The following PPP1R1B variants were observed in gnomAD, a reference collection of about 807,000 sequenced individuals.
PPP1R1B encodes protein phosphatase 1 regulatory inhibitor subunit 1B, also known as protein phosphatase 1 regulatory subunit 1B.
PPP1R1B carries 13 observed loss-of-function variants against 28.2 expected under a neutral mutation model. The ratio of observed to expected loss-of-function variants is 0.46; its 90% confidence interval spans 0.30 to 0.73. The LOEUF is 0.73. PPP1R1B is among the 30% of genes least tolerant of loss of function. PPP1R1B has a pLI of 0.07. For synonymous variants in PPP1R1B, 102 were observed against 97.5 expected, an observed-to-expected ratio of 1.05 and a Z score of -0.27; for missense variants, 236 against 256.7, an observed-to-expected ratio of 0.92 and a Z score of 0.55.
At chr17:39,629,634 T>G (rs1362912191) in intron 3 of PPP1R1B, 72 bp downstream of exon 3, 3 of 1,534,168 alleles carry the variant, frequency 2.0e-6, no homozygotes, top group Non-Finnish European at 2.7e-6. Flanking sequence ...GTGCCTGCAG[T>G]GACAACCAAC....
At position 39,633,941 on chromosome 17, in the gene PPP1R1B, G is replaced by C. The variant is rs1237330238; in HGVS notation, c.300G>C (p.Gln100His). 6.2e-7 allele frequency: 1 copy of C among 1,613,834 alleles called. No individual in the cohort carries two copies. Among genetic ancestry groups the C allele is most frequent in the South Asian group, 1.1e-5 (1 of 91,082 alleles). Residue 100 changes from glutamine (Q) to histidine (H), a missense_variant, in exon 5 of 7, where the codon CAG becomes CAC. Physicochemically the swap from Gln to His is conservative, Grantham distance 24 (BLOSUM62 0). Coordinates refer to ENST00000254079, the MANE Select transcript of PPP1R1B (RefSeq NM_032192.4). Reference protein sequence around the residue: ...LQSISNLNENQASEEEDELGE... With the variant: ...LQSISNLNENHASEEEDELGE... ...CTATCAGCAATTTGAATGAGAACCA[G>C]GCCTCAGAGGAGGAGGATGAGCTGG...
chr17:39,627,495 C>T (rs1370918865), intron 1 of PPP1R1B, 22 bp downstream of exon 1: 3 of 1,450,532 alleles, frequency 2.1e-6, no homozygotes, highest in African/African-American at 1.4e-5. Flanking sequence ...GTGCCCCACC[C>T]CGGCAGCGTA....
intron 4 of PPP1R1B, chr17:39,632,571 A>G (rs75287590): frequency 0.033 from 5,009 of 152,412 alleles, 120 homozygotes; most frequent in African/African-American, 0.063. Flanking sequence ...AGAGGGGCAC[A>G]GCACTAAGTC....
At chr17:39,628,356 C>G (rs2056851595) in intron 1 of PPP1R1B, 1 of 262,058 alleles carries the variant, frequency 3.8e-6, no homozygotes. Context: ...TTCAGCTTAA[C>G]TCACCTGGTT....
intron 4 of PPP1R1B, among the ~76,000 whole-genome samples, chr17:39,630,816 T>C (rs943409278): frequency 3.3e-5 from 5 of 152,222 alleles, no homozygotes; most frequent in African/African-American, 1.2e-4. Flanking sequence ...ACGCCTGTAA[T>C]CCCAGCACTT....
chr17:39,627,079 C>A lies in PPP1R1B; in HGVS notation c.-314C>A, dbSNP rs2056842800. On this transcript the variant is annotated 5_prime_UTR_variant, in exon 1 of 7. Transcript: ENST00000254079. ...AGAGACACCGAGACGCAGAGACACTCAGGAGGGGAGAGACACCGAGACGCA... is the reference window on the plus strand; with the variant it reads ...AGAGACACCGAGACGCAGAGACACTAAGGAGGGGAGAGACACCGAGACGCA... 2 of 378,224 alleles carry A rather than the reference C, an allele frequency of 5.3e-6. No homozygotes were observed. Among genetic ancestry groups the A allele is most frequent in the Non-Finnish European group, 9.5e-6 (2 of 211,438 alleles). The allele number at this position is 378,224 out of a possible 1,614,324, so 23.4% of individuals were successfully genotyped here.
At chr17:39,631,580 C>CT (rs200208487) in intron 4 of PPP1R1B, among the ~76,000 whole-genome samples, 2,134 of 152,302 alleles carry the variant, frequency 0.014, 57 homozygotes, top group African/African-American at 0.049. Context: ...GGAGGGAGAG[C>CT]TACCGGAAGA....
At chr17:39,631,623 A>G (rs1031401162) in intron 4 of PPP1R1B, among the ~76,000 whole-genome samples, 2 of 152,228 alleles carry the variant, frequency 1.3e-5, no homozygotes, top group African/African-American at 2.4e-5. Context: ...GGAGGGTTTA[A>G]TAAGTTCCCA....
intron 2 of PPP1R1B, 106 bp downstream of exon 2, chr17:39,629,336 G>A: frequency 7.5e-7 from 1 of 1,340,770 alleles, no homozygotes; most frequent in Non-Finnish European, 1.1e-6. Flanking sequence ...GGAGACTGGG[G>A]AGTGGATAAG....
chr17:39,629,355 A>G, intron 2 of PPP1R1B, 125 bp downstream of exon 2: 2 of 1,280,468 alleles, frequency 1.6e-6, no homozygotes, highest in Admixed American at 1.7e-5. Flanking sequence ...AGGTCTGGGA[A>G]CCCAACTCTA....
At chr17:39,632,384 G>A (rs1361536906) in intron 4 of PPP1R1B, 2 of 153,008 alleles carry the variant, frequency 1.3e-5, no homozygotes, top group Non-Finnish European at 2.9e-5. Context: ...TCCCCCGCTG[G>A]GGGAGAAGGA....
intron 4 of PPP1R1B, chr17:39,630,276 G>A: frequency 1.9e-6 from 1 of 530,212 alleles, no homozygotes; most frequent in Non-Finnish European, 3.4e-6. Flanking sequence ...CGGGTTGTGG[G>A]CTTGAAAGAA....
intron 5 of PPP1R1B, 105 bp downstream of exon 5, chr17:39,634,191 C>T (rs148503277): frequency 1.1e-4 from 158 of 1,429,888 alleles, no homozygotes; most frequent in Non-Finnish European, 1.5e-4. Flanking sequence ...ACTGTAGTGA[C>T]ACCACAGGGG....
At chr17:39,627,705 G>A (rs993373723) in intron 1 of PPP1R1B, among the ~76,000 whole-genome samples, 23 of 151,674 alleles carry the variant, frequency 1.5e-4, no homozygotes, top group Admixed American at 2.6e-4. Flanking sequence ...GTTCCTGGCA[G>A]TGAGGCTGGG....
chr17:39,633,980 G>A lies in PPP1R1B; in HGVS notation c.339G>A (p.Glu113=). The A allele has an allele frequency of 6.2e-7, 1 of 1,613,956 alleles. No homozygotes were observed. Among genetic ancestry groups the A allele is most frequent in the Non-Finnish European group, 8.5e-7 (1 of 1,179,928 alleles). The change falls in exon 5 of 7, where the codon GAG becomes GAA. Residue 113 remains glutamate, a synonymous_variant. Coordinates refer to ENST00000254079, the MANE Select transcript of PPP1R1B (RefSeq NM_032192.4). The stretch of plus-strand genomic sequence containing the variant: ...AGGATGAGCTGGGGGAGCTTCGGGA[G>A]CTGGGTTATCCAAGAGAGGAAGATG... ...EEEDELGELR[E]LGYPREEDEE... is the part of the protein sequence containing the mutation.
chr17:39,629,729 A>AT, intron 3 of PPP1R1B, among the ~76,000 whole-genome samples, 167 bp downstream of exon 3: 1 of 152,354 alleles, frequency 6.6e-6, no homozygotes. Flanking sequence ...TGCCACCAGC[A>AT]GATCCTCCTC....
intron 1 of PPP1R1B, 56 bp from the exon 2 acceptor site, chr17:39,629,114 G>A: frequency 6.5e-7 from 1 of 1,543,634 alleles, no homozygotes; most frequent in East Asian, 2.3e-5. Context: ...CTGCTGCCTG[G>A]GGGTGGGGGA....
chr17:39,635,154 C>T (rs1044173831), intron 5 of PPP1R1B, among the ~76,000 whole-genome samples: 2 of 152,074 alleles, frequency 1.3e-5, no homozygotes, highest in Non-Finnish European at 2.9e-5. Flanking sequence ...TGAGATCGCA[C>T]CACTGCACTC....
chr17:39,627,452 C>A lies in PPP1R1B; in HGVS notation c.60C>A (p.Leu20=). The change falls in exon 1 of 7, where the codon CTC becomes CTA. Residue 20 remains leucine (L), a synonymous_variant. Transcript: ENST00000254079. ...QFSVPAPPSQ[L]DPRQVEMIRR... is the part of the protein sequence containing the mutation. ...CGGTGCCCGCGCCCCCTAGCCAGCT[C>A]GACCCCCGCCAGGTGGAGATGGTAA... The A allele has an allele frequency of 6.3e-7, 1 of 1,596,314 alleles. No homozygotes were observed.
Sources: allele counts gnomAD v4.1 joint callset (sites outside exome capture counted in the v4.1 genomes callset), GRCh38; gene constraint gnomAD v4.1.1; transcripts MANE v1.5; gene names NCBI Gene and HGNC (gene_info 2026-07-23, HGNC 2026-07-21).